NME7: variants seen among roughly 807,000 people sequenced by gnomAD.
NME7 encodes NME/NM23 family member 7.
NME7 carries 41 observed loss-of-function variants against 49.1 expected under a neutral mutation model. That is an observed-to-expected ratio of 0.83 (90% CI 0.65 to 1.08). The LOEUF is 1.08. Ranked by LOEUF, NME7 falls within the 50% of genes least tolerant of loss-of-function variation. The pLI is 0.00. For synonymous variants in NME7, 139 were observed against 150.6 expected (o/e 0.92, Z 0.56); for missense variants, 423 against 463.4 (o/e 0.91, Z 0.80).
In NME7 at chr1:169,309,958, T is replaced by TA. The variant is rs34054662; in HGVS notation, c.389+11dup. The TA allele has an allele frequency of 0.39, 546,972 of 1,397,594 alleles. 114,954 individuals are homozygous for TA. Among genetic ancestry groups the TA allele is most frequent in the Non-Finnish European group, 0.43 (432,988 of 999,206 alleles). 86.6% of individuals were successfully genotyped at this position (1,397,594 alleles called of 1,614,324 possible). On this transcript the variant is annotated intron_variant, in intron 4 of 11. Coordinates refer to ENST00000367811, the MANE Select transcript of NME7 (RefSeq NM_013330.5). ...TCAGACATTACATAACTGAAAATGA[T>TA]AAAAAAATTACCTTGAAAGCATCAT...
rs1030659678 is a variant in NME7 at position 169,264,159 on chromosome 1, G to C, written c.754+23144C>G. 1.6e-4 allele frequency among the ~76,000 whole-genome samples: 21 copies of C among 134,030 alleles called. 6 individuals carry two copies. Among genetic ancestry groups the C allele is most frequent in the African/African-American group, 2.8e-4 (11 of 39,646 alleles). 87.9% of individuals were successfully genotyped at this position (134,030 alleles called of 152,430 possible). ...ACTACAAAACACACTTAAGTACACA[G>C]ACAAGTGATACTATGAAGCAACCAC... On this transcript the variant is annotated intron_variant, in intron 7 of 11. Coordinates refer to ENST00000367811, the MANE Select transcript of NME7 (RefSeq NM_013330.5).
intron 10 of NME7, among the ~76,000 whole-genome samples, chr1:169,194,862 C>T (rs923997988): frequency 6.6e-6 from 1 of 152,116 alleles, no homozygotes; most frequent in East Asian, 1.9e-4. Context: ...AGTTAAAATT[C>T]CATGGGTGAC....
At chr1:169,138,663 G>A (rs937754424) in intron 11 of NME7, among the ~76,000 whole-genome samples, 9 of 152,158 alleles carry the variant, frequency 5.9e-5, no homozygotes, top group African/African-American at 2.2e-4. Flanking sequence ...AGGATGTAAT[G>A]AGCTAAGATC....
At position 169,323,577 on chromosome 1, in the gene NME7, TAAAG is replaced by T. The variant is rs528247195; in HGVS notation, c.112-298_112-295del. The stretch of plus-strand genomic sequence containing the variant: ...CAGCAAAGTAGTCCTTACAAAATGC[TAAAG>T]AAAGAGTCATACACCCAAATTTCTG... On this transcript the variant is annotated intron_variant, in intron 2 of 11. Coordinates refer to ENST00000367811, the MANE Select transcript of NME7 (RefSeq NM_013330.5). 2.8e-3 allele frequency among the ~76,000 whole-genome samples: 431 copies of T among 152,268 alleles called. 1 individual carries two copies. The highest frequency in any genetic ancestry group is 4.4e-3 in the Non-Finnish European group (302 of 68,016).
At chr1:169,145,708 T>G (rs1658727431) in intron 11 of NME7, among the ~76,000 whole-genome samples, 1 of 152,152 alleles carries the variant, frequency 6.6e-6, no homozygotes, top group Non-Finnish European at 1.5e-5. Flanking sequence ...AATAAGGGTG[T>G]GCTTACAACA....
chr1:169,197,742 C>G (rs139055344), intron 10 of NME7, among the ~76,000 whole-genome samples: 2 of 152,184 alleles, frequency 1.3e-5, no homozygotes, highest in Admixed American at 1.3e-4. Context: ...AAAGCAAGAC[C>G]TACAATTTTA....
At chr1:169,217,661 A>C (rs1372238585) in intron 10 of NME7, among the ~76,000 whole-genome samples, 1 of 152,190 alleles carries the variant, frequency 6.6e-6, no homozygotes, top group Non-Finnish European at 1.5e-5. Context: ...AGAACTTAAC[A>C]CAACAGTAGG....
intron 10 of NME7, among the ~76,000 whole-genome samples, chr1:169,204,264 A>G (rs1660620643): frequency 6.6e-6 from 1 of 151,308 alleles, no homozygotes; most frequent in African/African-American, 2.4e-5. Flanking sequence ...ATGCCTCAGT[A>G]CTGGCTGCCT....
intron 7 of NME7, among the ~76,000 whole-genome samples, chr1:169,238,973 G>A (rs1374737995): frequency 1.3e-5 from 2 of 151,958 alleles, no homozygotes; most frequent in African/African-American, 4.8e-5. Context: ...TTTGTATTTA[G>A]TTTTATATTT....
intron 7 of NME7, among the ~76,000 whole-genome samples, chr1:169,242,447 A>G (rs6686677): frequency 0.07 from 10,623 of 152,086 alleles, 1,477 homozygotes; most frequent in East Asian, 0.66. Context: ...CATAAACAGC[A>G]TCTACAGAAA....
At chr1:169,209,060 T>C (rs994800461) in intron 10 of NME7, among the ~76,000 whole-genome samples, 4 of 151,920 alleles carry the variant, frequency 2.6e-5, no homozygotes, top group Non-Finnish European at 4.4e-5. Flanking sequence ...ATAGCATTTT[T>C]TGTTTTTACA....
chr1:169,242,320 C>G (rs1648124112), intron 7 of NME7, among the ~76,000 whole-genome samples: 1 of 151,744 alleles, frequency 6.6e-6, no homozygotes, highest in South Asian at 2.1e-4. Flanking sequence ...ACATATCTAT[C>G]TATAGATATA....
At chr1:169,300,234 T>C (rs149469846) in intron 5 of NME7, among the ~76,000 whole-genome samples, 3 of 152,308 alleles carry the variant, frequency 2.0e-5, no homozygotes, top group African/African-American at 4.8e-5. Flanking sequence ...AAGTTAATGC[T>C]ATAAACATAT....
intron 7 of NME7, among the ~76,000 whole-genome samples, chr1:169,258,318 G>C (rs1196139962): frequency 8.3e-6 from 1 of 120,526 alleles, no homozygotes; most frequent in African/African-American, 2.8e-5. Context: ...ACTGCACTCA[G>C]CCTGGATGAC....
At chr1:169,237,773 A>G (rs537796522) in intron 7 of NME7, 86 bp from the exon 8 acceptor site, 6 of 995,062 alleles carry the variant, frequency 6.0e-6, no homozygotes, top group African/African-American at 3.3e-5. Flanking sequence ...ATAGCAAAGT[A>G]CTTTTTGTTT....
chr1:169,230,984 A>G (rs1337907592), intron 9 of NME7, among the ~76,000 whole-genome samples, 165 bp from the exon 10 acceptor site: 2 of 152,156 alleles, frequency 1.3e-5, no homozygotes, highest in Admixed American at 6.5e-5. Flanking sequence ...TTTTCCTTGA[A>G]GAATATTTTT....
chr1:169,278,456 C>T (rs1365957349), intron 7 of NME7, among the ~76,000 whole-genome samples: 3 of 152,134 alleles, frequency 2.0e-5, no homozygotes, highest in Admixed American at 2.0e-4. Context: ...ATCACTGAAA[C>T]CCTTTCTTCC....
rs1423568447 is a variant in NME7, at chr1:169,274,785, G to A, written c.754+12518C>T. On this transcript the variant is annotated intron_variant, in intron 7 of 11. Transcript: ENST00000367811. The stretch of plus-strand genomic sequence containing the variant: ...AAAGATCAGATAGTTGTAGATATGT[G>A]GCATTATTTCTGAGGGCTCTGTTGT... Among the ~76,000 whole-genome samples, 42 of 132,980 alleles carry A rather than the reference G, an allele frequency of 3.2e-4. 4 individuals carry two copies. Among genetic ancestry groups the A allele is most frequent in the African/African-American group, 9.6e-4 (38 of 39,380 alleles). The allele number at this position is 132,980 out of a possible 152,430, so 87.2% of individuals were successfully genotyped here.
chr1:169,200,862 A>G (rs1660527411), intron 10 of NME7, among the ~76,000 whole-genome samples: 1 of 152,072 alleles, frequency 6.6e-6, no homozygotes, highest in Non-Finnish European at 1.5e-5. Flanking sequence ...TGGGGATTGT[A>G]GCTATCTTTT....
Sources: gnomAD v4.1 joint callset for allele counts (sites outside exome capture counted in the v4.1 genomes callset) on GRCh38, gnomAD v4.1.1 for gene constraint, MANE v1.5 for transcripts, NCBI Gene and HGNC (gene_info 2026-07-23, HGNC 2026-07-21) for gene names.